SYT5: variants seen among roughly 807,000 people sequenced by gnomAD.
SYT5 encodes the protein synaptotagmin 5.
In SYT5, 29 loss-of-function variants were observed where a neutral mutation model predicts 36.0. The observed-to-expected ratio is 0.81, with a 90% CI of 0.60 to 1.10. SYT5 has a LOEUF of 1.10. Ranked by LOEUF, SYT5 falls within the 50% of genes least tolerant of loss-of-function variation. SYT5 has a pLI of 0.00. For synonymous variants in SYT5, 231 were observed against 227.6 expected, an observed-to-expected ratio of 1.02 and a Z score of -0.14; for missense variants, 512 against 516.0, an observed-to-expected ratio of 0.99 and a Z score of 0.08.
rs1599944601 is a variant in SYT5 at position 55,175,905 on chromosome 19, T to G, written c.373-29A>C. The G allele has an allele frequency of 6.2e-7, 1 of 1,613,182 alleles. No individual in the cohort carries two copies. The highest frequency in any genetic ancestry group is 8.5e-7 in the Non-Finnish European group (1 of 1,179,588). ...CAGGGCCCAGGCACAGTGGGGGAGG[T>G]GGGGAACACTAGTCTTAGCCTCCCT... On this transcript the variant is annotated intron_variant, in intron 4 of 8. Coordinates refer to ENST00000354308, the MANE Select transcript of SYT5 (RefSeq NM_003180.3). The surrounding 1 kb of genome is among the most constrained non-coding windows in gnomAD (Gnocchi z 4.5).
At position 55,178,191 on chromosome 19, in the gene SYT5, C is replaced by T. The variant is rs2147334667; in HGVS notation, c.252+5G>A. ...GCCAGGTGGAGGGGCTGGGCTGGGCCACACCTTGTCTATGTAACTCTGGCC... is the reference window on the plus strand; with the variant it reads ...GCCAGGTGGAGGGGCTGGGCTGGGCTACACCTTGTCTATGTAACTCTGGCC... On this transcript the variant is annotated splice_donor_5th_base_variant and intron_variant, in intron 3 of 8. Coordinates refer to ENST00000354308, the MANE Select transcript of SYT5 (RefSeq NM_003180.3). 2 of 1,606,536 alleles carry T rather than the reference C, an allele frequency of 1.2e-6. No homozygotes were observed. The highest frequency in any genetic ancestry group is 1.3e-5 in the African/African-American group (1 of 74,980).
chr19:55,174,467 G>T, intron 8 of SYT5, 50 bp downstream of exon 8: 2 of 1,593,356 alleles, frequency 1.3e-6, no homozygotes, highest in Non-Finnish European at 1.7e-6. Context: ...GCCTAGCAAT[G>T]GCGATTACTA....
In SYT5 at chr19:55,175,561, G is replaced by A. The variant is rs1224897066; in HGVS notation, c.540+148C>T. On this transcript the variant is annotated intron_variant, in intron 5 of 8. Transcript: ENST00000354308. This position sits in a 1 kb window ranked among gnomAD's most constrained non-coding sequence, Gnocchi z 4.5. ...CCAGGCTACAGCCCAGGAGTCAGTA[G>A]TGCCCAGGGTCCAGTGGAATAGCCC... 7 of 1,183,452 alleles carry A rather than the reference G, an allele frequency of 5.9e-6. No individual in the cohort carries two copies. Among genetic ancestry groups the A allele is most frequent in the Non-Finnish European group, 8.3e-6 (7 of 841,076 alleles). The allele number at this position is 1,183,452 out of a possible 1,614,324, so 73.3% of individuals were successfully genotyped here. A position where few individuals can be genotyped will look rare whatever the true frequency, so the allele number is the denominator to read the frequency against.
At chr19:55,174,720 C>T in intron 7 of SYT5, 70 bp from the exon 8 acceptor site, 1 of 1,607,194 alleles carries the variant, frequency 6.2e-7, no homozygotes, top group Non-Finnish European at 8.5e-7. Flanking sequence ...GAAACACTGC[C>T]TACACCCTTC....
In SYT5 at chr19:55,173,673, C is replaced by A; in HGVS notation, c.972G>T (p.Val324=). 1 of 1,419,514 alleles carries A rather than the reference C, an allele frequency of 7.0e-7. No homozygotes were observed. Among genetic ancestry groups the A allele is most frequent in the Non-Finnish European group, 9.2e-7 (1 of 1,083,662 alleles). 87.9% of individuals were successfully genotyped at this position (1,419,514 alleles called of 1,614,324 possible). Residue 324 remains valine (V), a synonymous_variant, in exon 9 of 9, where the codon GTG becomes GTT. Transcript: ENST00000354308. This position sits in a 1 kb window ranked among gnomAD's most constrained non-coding sequence, Gnocchi z 5.4. ...VPCDQVQKVQ[V]ELTVLDYDKL... ...TGTCGTAGTCCAGCACGGTCAGCTC[C>A]ACCTGCACCTTCTGGGGTGGGCGCG...
intron 8 of SYT5, 121 bp downstream of exon 8, chr19:55,174,396 G>A (rs2086046231): frequency 2.3e-6 from 3 of 1,313,614 alleles, no homozygotes; most frequent in South Asian, 1.6e-5. Context: ...GAAACAGACT[G>A]AGAGCATAAC....
intron 2 of SYT5, 148 bp downstream of exon 2, chr19:55,178,815 C>T: frequency 5.1e-6 from 1 of 197,256 alleles, no homozygotes; most frequent in Non-Finnish European, 7.4e-6. Context: ...TACCCCATTT[C>T]GTTCGCATTC....
chr19:55,178,908 G>C, intron 2 of SYT5, 55 bp downstream of exon 2: 1 of 1,398,482 alleles, frequency 7.2e-7, no homozygotes, highest in Admixed American at 3.4e-5. Flanking sequence ...CCGCCCCTCG[G>C]AATCCTGGCC....
Position 55,175,188 on chromosome 19 carries a change from G to A in SYT5, c.692C>T (p.Ala231Val), listed in dbSNP as rs762758644. 3.7e-6 allele frequency: 6 copies of A among 1,603,954 alleles called. No homozygotes were observed. The highest frequency in any genetic ancestry group is 1.3e-5 in the African/African-American group (1 of 74,644). The change falls in exon 6 of 9, where the codon GCG becomes GTG. Residue 231 changes from alanine to valine, a missense_variant. Transcript: ENST00000354308. The surrounding 1 kb of genome is among the most constrained non-coding windows in gnomAD (Gnocchi z 4.5). ...RPVQAWRELQ[A>V]APREEQEKLG... ...CATGCTCACCTCCTCCCGCGGAGCCGCCTGCAGCTCCCGCCAGGCCTGCAC... is the reference window on the plus strand; with the variant it reads ...CATGCTCACCTCCTCCCGCGGAGCCACCTGCAGCTCCCGCCAGGCCTGCAC...
chr19:55,174,117 G>C (rs373599352), intron 8 of SYT5: 1 of 200,434 alleles, frequency 5.0e-6, no homozygotes, highest in Non-Finnish European at 9.9e-6. Context: ...GGGGAATCTG[G>C]TCCCGCTTAG....
rs574956040 is a variant in SYT5, at chr19:55,173,062, T to G, written c.*422A>C. ...GAGGTTTCCTCTTGGGTCCCAGCCC[T>G]TGCCCACCCCCATCAAGGAGCATGG... On this transcript the variant is annotated 3_prime_UTR_variant, in exon 9 of 9. Transcript: ENST00000354308. The surrounding 1 kb of genome is among the most constrained non-coding windows in gnomAD (Gnocchi z 5.4). 6.0e-6 allele frequency: 1 copy of G among 165,930 alleles called. No individual in the cohort carries two copies. The highest frequency in any genetic ancestry group is 2.0e-4 in the South Asian group (1 of 4,964). The allele number at this position is 165,930 out of a possible 1,614,324, so 10.3% of individuals were successfully genotyped here.
rs1448382590 is a variant in SYT5, at chr19:55,173,991, AACTT to A, written c.961-311_961-308del. On this transcript the variant is annotated intron_variant, in intron 8 of 8. Coordinates refer to ENST00000354308, the MANE Select transcript of SYT5 (RefSeq NM_003180.3). The surrounding 1 kb of genome is among the most constrained non-coding windows in gnomAD (Gnocchi z 5.4). ...CCTCCTAAGAGCCGCAAAGCTGCAG[AACTT>A]TAACAGGGGCCGGGCTAGGGTAGGC... 4 of 349,786 alleles carry A rather than the reference AACTT, an allele frequency of 1.1e-5. No individual in the cohort carries two copies. In the South Asian group the frequency reaches 5.4e-4, roughly 47 times the overall value. The allele number at this position is 349,786 out of a possible 1,614,324, so 21.7% of individuals were successfully genotyped here.
rs1449340001 is a variant in SYT5 at position 55,175,917 on chromosome 19, G to C, written c.373-41C>G. 6.2e-7 allele frequency: 1 copy of C among 1,613,462 alleles called. No individual in the cohort carries two copies. Among genetic ancestry groups the C allele is most frequent in the Non-Finnish European group, 8.5e-7 (1 of 1,179,534 alleles). The stretch of plus-strand genomic sequence containing the variant: ...ACAGTGGGGGAGGTGGGGAACACTA[G>C]TCTTAGCCTCCCTTCCATGGCTCCT... On this transcript the variant is annotated intron_variant, in intron 4 of 8. Coordinates refer to ENST00000354308, the MANE Select transcript of SYT5 (RefSeq NM_003180.3). This position sits in a 1 kb window ranked among gnomAD's most constrained non-coding sequence, Gnocchi z 4.5.
Position 55,179,270 on chromosome 19 carries a change from T to C in SYT5, c.-45-184A>G, listed in dbSNP as rs181541509. On this transcript the variant is annotated intron_variant, in intron 1 of 8. Coordinates refer to ENST00000354308, the MANE Select transcript of SYT5 (RefSeq NM_003180.3). This position sits in a 1 kb window ranked among gnomAD's most constrained non-coding sequence, Gnocchi z 4.5. ...GGGTGTCCAGGACCTAGTTCCATCC[T>C]AAAGGGATACCCTCTTCCTCCACGG... The C allele has an allele frequency of 7.2e-4, 1,014 of 1,410,034 alleles. 6 individuals carry two copies. In the African/African-American group the frequency reaches 0.014, roughly 19 times the overall value. The allele number at this position is 1,410,034 out of a possible 1,614,324, so 87.3% of individuals were successfully genotyped here.
Position 55,179,022 on chromosome 19 carries a change from G to T in SYT5, c.20C>A (p.Thr7Asn). ...CGTGTCGGGCGATGGAGGCCCCGGG[G>T]TTGGGGGCTCCGGGAACATGGTGGC... is the stretch of plus-strand genomic sequence containing the variant. MFPEPP[T>N]PGPPSPDTPP... Residue 7 changes from threonine to asparagine, a missense_variant, in exon 2 of 9, where the codon ACC becomes AAC. By Grantham distance (65) the Thr-to-Asn change is moderately conservative. Transcript: ENST00000354308. The surrounding 1 kb of genome is among the most constrained non-coding windows in gnomAD (Gnocchi z 4.5). 6.2e-7 allele frequency: 1 copy of T among 1,606,136 alleles called. No homozygotes were observed. The highest frequency in any genetic ancestry group is 8.5e-7 in the Non-Finnish European group (1 of 1,177,034).
rs374030202 is a variant in SYT5, at chr19:55,176,001, C to T, written c.372+4G>A. On this transcript the variant is annotated splice_donor_region_variant and intron_variant, in intron 4 of 8. Transcript: ENST00000354308. ...TCCAAAGCTTCCCCTTCCTCCACAC[C>T]CACCTGGCCACTCTGGAAGTCATAA... The T allele has an allele frequency of 3.1e-5, 50 of 1,613,932 alleles. No homozygotes were observed. Among genetic ancestry groups the T allele is most frequent in the Non-Finnish European group, 3.9e-5 (46 of 1,180,020 alleles).
chr19:55,174,623 T>C lies in SYT5; in HGVS notation c.854A>G (p.Gln285Arg). 6.2e-7 allele frequency: 1 copy of C among 1,614,086 alleles called. No homozygotes were observed. The change falls in exon 8 of 9, where the codon CAG becomes CGG. Residue 285 changes from glutamine to arginine, a missense_variant. Gln to Arg is a conservative substitution (Grantham distance 43). Transcript: ENST00000354308. ...SDPYVKVHLL[Q>R]GGKKVRKKKT... ...CTTCTTCCGCACCTTTTTGCCGCCC[T>C]GCAGCAGGTGGACCTTGACGTATGG...
Position 55,178,295 on chromosome 19 carries a change from G to A in SYT5, c.153C>T (p.Tyr51=). 1.9e-6 allele frequency: 3 copies of A among 1,612,054 alleles called. No homozygotes were observed. The highest frequency in any genetic ancestry group is 2.5e-6 in the Non-Finnish European group (3 of 1,179,374). ...LLIFSCCFCL[Y]RKSCRRRTGK... Reference sequence around the variant, plus strand: ...CTGTCCGCCTCCGACAGCTCTTCCGGTAGAGACAGAAACAGCAGCTGAAGA... The same window carrying A: ...CTGTCCGCCTCCGACAGCTCTTCCGATAGAGACAGAAACAGCAGCTGAAGA... Residue 51 remains tyrosine (Y), a synonymous_variant, in exon 3 of 9, where the codon TAC becomes TAT. Coordinates refer to ENST00000354308, the MANE Select transcript of SYT5 (RefSeq NM_003180.3).
At chr19:55,178,448 G>T in intron 2 of SYT5, 80 bp from the exon 3 acceptor site, 1 of 1,443,040 alleles carries the variant, frequency 6.9e-7, no homozygotes, top group East Asian at 2.4e-5. Context: ...CGTGGAAGCT[G>T]GAATGCTGGC....
Sources: gnomAD v4.1 joint callset for allele counts on GRCh38, gnomAD v4.1.1 for gene constraint, Gnocchi (gnomAD v3.1) non-coding constraint, MANE v1.5 for transcripts, NCBI Gene and HGNC (gene_info 2026-07-23, HGNC 2026-07-21) for gene names.